Variants in NXPH1 observed in about 807,000 individuals in gnomAD.
The protein encoded by NXPH1 is neurexophilin-1.
NXPH1 carries 5 observed loss-of-function variants against 23.7 expected under a neutral mutation model. That is an observed-to-expected ratio of 0.21 (90% confidence interval 0.11 to 0.44). The LOEUF is 0.44. NXPH1 is among the 20% of genes least tolerant of loss of function. NXPH1 has a pLI of 0.99. For synonymous variants in NXPH1, 144 were observed against 122.2 expected (o/e 1.18, Z -1.18); for missense variants, 324 against 321.6 (o/e 1.01, Z -0.06).
At chr7:8,553,068 A>T (rs1467973977) in intron 2 of NXPH1, among the ~76,000 whole-genome samples, 1 of 151,584 alleles carries the variant, frequency 6.6e-6, no homozygotes, top group Non-Finnish European at 1.5e-5. Flanking sequence ...TCCCTTTTAT[A>T]AAACTTGACT....
At chr7:8,659,738 AAAT>A (rs962761597) in intron 2 of NXPH1, among the ~76,000 whole-genome samples, 7 of 152,132 alleles carry the variant, frequency 4.6e-5, no homozygotes, top group African/African-American at 1.7e-4. Flanking sequence ...TAATAACAAA[AAAT>A]AATAATGAAA....
At chr7:8,702,884 C>T (rs1779647927) in intron 2 of NXPH1, among the ~76,000 whole-genome samples, 1 of 152,012 alleles carries the variant, frequency 6.6e-6, no homozygotes, top group Non-Finnish European at 1.5e-5. Context: ...AAAATATGTG[C>T]TCATTATCCA....
At chr7:8,609,847 T>C (rs1449221084) in intron 2 of NXPH1, among the ~76,000 whole-genome samples, 2 of 152,200 alleles carry the variant, frequency 1.3e-5, no homozygotes, top group Non-Finnish European at 2.9e-5. Flanking sequence ...TTATGTCTTT[T>C]ATTTTAAGCC....
chr7:8,441,675 A>T (rs1275720109), intron 2 of NXPH1, among the ~76,000 whole-genome samples: 1 of 152,154 alleles, frequency 6.6e-6, no homozygotes, highest in Non-Finnish European at 1.5e-5. Flanking sequence ...CGTCTCAATT[A>T]CTATGCAAGC....
chr7:8,543,968 T>C (rs934227602), intron 2 of NXPH1, among the ~76,000 whole-genome samples: 1 of 151,556 alleles, frequency 6.6e-6, no homozygotes, highest in African/African-American at 2.4e-5. Flanking sequence ...CTGGAGGCAA[T>C]TGAGGGCAAA....
chr7:8,595,900 G>A (rs935917889), intron 2 of NXPH1, among the ~76,000 whole-genome samples: 1 of 151,890 alleles, frequency 6.6e-6, no homozygotes, highest in African/African-American at 2.4e-5. Context: ...ACTCTTAAAA[G>A]GTTATTATAA....
intron 2 of NXPH1, among the ~76,000 whole-genome samples, chr7:8,701,221 A>C (rs1028996585): frequency 5.3e-5 from 8 of 152,138 alleles, no homozygotes; most frequent in Non-Finnish European, 1.0e-4. Flanking sequence ...ATAAAATGTA[A>C]TTCTATAATG....
chr7:8,632,223 G>T lies in NXPH1; in HGVS notation c.55-118785G>T, dbSNP rs553557630. Reference sequence around the variant, plus strand: ...TTAATTTATTTAAAATAAATATATTGAATTAAGAAAATCTTATGATGACTA... The same window carrying T: ...TTAATTTATTTAAAATAAATATATTTAATTAAGAAAATCTTATGATGACTA... On this transcript the variant is annotated intron_variant, in intron 2 of 2. Transcript: ENST00000405863. 3.3e-5 allele frequency among the ~76,000 whole-genome samples: 5 copies of T among 152,104 alleles called. No individual in the cohort carries two copies. In the South Asian group the frequency reaches 6.2e-4, roughly 19 times the overall value.
At chr7:8,520,076 G>T (rs1402353118) in intron 2 of NXPH1, among the ~76,000 whole-genome samples, 3 of 151,982 alleles carry the variant, frequency 2.0e-5, no homozygotes, top group Non-Finnish European at 4.4e-5. Flanking sequence ...AAAGAATGGG[G>T]TTATAAACCC....
chr7:8,484,143 A>G (rs942792621), intron 2 of NXPH1, among the ~76,000 whole-genome samples: 7 of 152,104 alleles, frequency 4.6e-5, no homozygotes, highest in South Asian at 2.1e-4. Flanking sequence ...GCCAATCACA[A>G]TGTTCATACT....
chr7:8,713,715 A>G (rs2115199744), intron 2 of NXPH1, among the ~76,000 whole-genome samples: 1 of 152,334 alleles, frequency 6.6e-6, no homozygotes, highest in East Asian at 1.9e-4. Context: ...TTGCAGATTT[A>G]CAGAGTTATC....
Position 8,507,388 on chromosome 7 carries a change from G to A in NXPH1, c.54+71621G>A, listed in dbSNP as rs944925342. Among the ~76,000 whole-genome samples the A allele has an allele frequency of 2.1e-4, 31 of 150,516 alleles. 3 individuals are homozygous for A. Among genetic ancestry groups the A allele is most frequent in the African/African-American group, 7.8e-4 (31 of 39,964 alleles). On this transcript the variant is annotated intron_variant, in intron 2 of 2. Coordinates refer to ENST00000405863, the MANE Select transcript of NXPH1 (RefSeq NM_152745.3). The stretch of plus-strand genomic sequence containing the variant: ...CAGGGATAGCCACTATGATGATGGT[G>A]ATAATTTTAAGATGTCATTGAAGCA...
chr7:8,579,521 C>T (rs1396354948), intron 2 of NXPH1, among the ~76,000 whole-genome samples: 5 of 152,020 alleles, frequency 3.3e-5, no homozygotes, highest in Non-Finnish European at 7.4e-5. Flanking sequence ...TACAGGCATG[C>T]ACCACCATGC....
At chr7:8,645,124 C>G (rs1017329093) in intron 2 of NXPH1, among the ~76,000 whole-genome samples, 1 of 152,096 alleles carries the variant, frequency 6.6e-6, no homozygotes, top group Admixed American at 6.5e-5. Context: ...AGAAACAATA[C>G]TACTATGATT....
chr7:8,662,178 A>G (rs1293022059), intron 2 of NXPH1, among the ~76,000 whole-genome samples: 1 of 72,960 alleles, frequency 1.4e-5, no homozygotes, highest in East Asian at 4.6e-3. Context: ...TTTTATATAT[A>G]TATATATATA....
intron 2 of NXPH1, among the ~76,000 whole-genome samples, chr7:8,534,165 T>C (rs7789437): frequency 7.0e-4 from 107 of 152,252 alleles, no homozygotes; most frequent in African/African-American, 2.5e-3. Context: ...CTACCATTCA[T>C]GTATTTGTTT....
rs138644428 is a variant in NXPH1, at chr7:8,643,141, G to A, written c.55-107867G>A. Among the ~76,000 whole-genome samples, 197 of 150,638 alleles carry A rather than the reference G, an allele frequency of 1.3e-3. 1 individual carries two copies. Among genetic ancestry groups the A allele is most frequent in the African/African-American group, 4.6e-3 (190 of 41,144 alleles). ...GTCTCCCAAAGTGCTGGGATTACAA[G>A]CATGAGCCACCATGCCCGGCCAGGC... is the stretch of plus-strand genomic sequence containing the variant. On this transcript the variant is annotated intron_variant, in intron 2 of 2. Coordinates refer to ENST00000405863, the MANE Select transcript of NXPH1 (RefSeq NM_152745.3).
At chr7:8,616,456 G>A (rs1003980807) in intron 2 of NXPH1, among the ~76,000 whole-genome samples, 2 of 151,796 alleles carry the variant, frequency 1.3e-5, no homozygotes, top group South Asian at 2.1e-4. Context: ...TCGTCATCTC[G>A]ACTCAACTTG....
At chr7:8,540,840 T>C (rs1183455608) in intron 2 of NXPH1, among the ~76,000 whole-genome samples, 1 of 151,718 alleles carries the variant, frequency 6.6e-6, no homozygotes, top group Non-Finnish European at 1.5e-5. Flanking sequence ...GAAAGGTTCT[T>C]GTCTCAGTGG....
Sources: gnomAD v4.1 joint callset for allele counts (sites outside exome capture counted in the v4.1 genomes callset) on GRCh38, gnomAD v4.1.1 for gene constraint, MANE v1.5 for transcripts, NCBI Gene and HGNC (gene_info 2026-07-23, HGNC 2026-07-21) for gene names.